Variants in DLAT observed in about 807,000 individuals in gnomAD.
DLAT encodes dihydrolipoyllysine-residue acetyltransferase component of pyruvate dehydrogenase complex, mitochondrial.
In DLAT, 43 loss-of-function variants were observed where a neutral mutation model predicts 68.0. That is an observed-to-expected ratio of 0.63 (90% CI 0.50 to 0.81). The LOEUF (loss-of-function observed/expected upper bound fraction) is 0.81. DLAT is among the 40% of genes least tolerant of loss of function. The probability of loss-of-function intolerance (pLI) is 0.00; values close to 1 mark genes in which losing one functional copy is unlikely to be tolerated. For synonymous variants in DLAT, 265 were observed against 288.6 expected (o/e 0.92, Z 0.83); for missense variants, 745 against 815.4 (o/e 0.91, Z 1.05).
chr11:112,026,105 CTTTGCATGAAA>C, intron 1 of DLAT, 82 bp from the exon 2 acceptor site: 1 of 1,038,188 alleles, frequency 9.6e-7, no homozygotes, highest in Non-Finnish European at 1.5e-6. Context: ...ACTGTATACA[CTTTGCATGAAA>C]TTGAATTGAA....
At chr11:112,032,871 A>G (rs1242507127) in intron 4 of DLAT, among the ~76,000 whole-genome samples, 1 of 152,210 alleles carries the variant, frequency 6.6e-6, no homozygotes, top group Admixed American at 6.5e-5. Context: ...TTCAGAGACC[A>G]GCCTGGCCAA....
chr11:112,040,712 T>C (rs1863010059), intron 7 of DLAT, among the ~76,000 whole-genome samples: 1 of 152,118 alleles, frequency 6.6e-6, no homozygotes, highest in Admixed American at 6.5e-5. Context: ...ATTTCAGTAG[T>C]ATATTGCTAT....
chr11:112,039,868 G>C lies in DLAT; in HGVS notation c.1129+471G>C, dbSNP rs922031640. Among the ~76,000 whole-genome samples the C allele has an allele frequency of 8.5e-5, 13 of 152,264 alleles. No individual in the cohort carries two copies. In the East Asian group the frequency reaches 2.5e-3, roughly 29 times the overall value. The stretch of plus-strand genomic sequence containing the variant: ...GGGAAAACGCCTTACTTGTCTGTCT[G>C]CCGCCAAAGAAAAAATATAGCTTTG... On this transcript the variant is annotated intron_variant, in intron 7 of 13. Transcript: ENST00000280346.
intron 13 of DLAT, 67 bp from the exon 14 acceptor site, chr11:112,062,339 G>A: frequency 6.4e-7 from 1 of 1,554,888 alleles, no homozygotes. Context: ...GTGAGCATTT[G>A]GGTGGTTACT....
chr11:112,033,374 T>C (rs1555180105), intron 4 of DLAT, 30 bp from the exon 5 acceptor site: 7 of 1,610,494 alleles, frequency 4.3e-6, no homozygotes. Context: ...CTTCCTGGTA[T>C]TAAGCAATAA....
chr11:112,059,835 T>C (rs1864440703), intron 11 of DLAT, 68 bp from the exon 12 acceptor site: 1 of 1,362,794 alleles, frequency 7.3e-7, no homozygotes, highest in Admixed American at 2.5e-5. Flanking sequence ...ATAAATATTC[T>C]TGCTTAACCT....
Position 112,062,703 on chromosome 11 carries a change from G to A in DLAT, c.*168G>A, listed in dbSNP as rs77304693. The A allele has an allele frequency of 1.7e-3, 1,286 of 738,358 alleles. 3 individuals are homozygous for A. The highest frequency in any genetic ancestry group is 2.6e-3 in the Non-Finnish European group (1,201 of 457,452). The allele number at this position is 738,358 out of a possible 1,614,324, so 45.7% of individuals were successfully genotyped here. A position where few individuals can be genotyped will look rare whatever the true frequency, so the allele number is the denominator to read the frequency against. ...GGCATTACTGAATTTTTAAAATGCC[G>A]ATTACACCCAAATATTGTGCACATT... On this transcript the variant is annotated 3_prime_UTR_variant, in exon 14 of 14. Coordinates refer to ENST00000280346, the MANE Select transcript of DLAT (RefSeq NM_001931.5).
At chr11:112,054,399 AT>A (rs1243928330) in intron 11 of DLAT, among the ~76,000 whole-genome samples, 3 of 152,134 alleles carry the variant, frequency 2.0e-5, no homozygotes, top group Non-Finnish European at 2.9e-5. Flanking sequence ...CAGTGTTAAT[AT>A]TTGAATGCCT....
chr11:112,037,270 A>T lies in DLAT; in HGVS notation c.788-3A>T. ...CCCATAATGTTTTTTCTTTCTATTTAAGGTTTTGAAGTACAGGAAGAAGGT... is the reference window on the plus strand; with the variant it reads ...CCCATAATGTTTTTTCTTTCTATTTTAGGTTTTGAAGTACAGGAAGAAGGT... On this transcript the variant is annotated splice_region_variant and splice_polypyrimidine_tract_variant and intron_variant, in intron 5 of 13. Coordinates refer to ENST00000280346, the MANE Select transcript of DLAT (RefSeq NM_001931.5). 2 of 1,613,622 alleles carry T rather than the reference A, an allele frequency of 1.2e-6. No individual in the cohort carries two copies. Among genetic ancestry groups the T allele is most frequent in the African/African-American group, 2.7e-5 (2 of 75,022 alleles).
chr11:112,046,144 A>AT (rs1359881316), intron 10 of DLAT, among the ~76,000 whole-genome samples, 174 bp downstream of exon 10: 2 of 151,990 alleles, frequency 1.3e-5, no homozygotes, highest in African/African-American at 2.4e-5. Context: ...ACTTTTATCA[A>AT]TTTTTTTCTT....
intron 10 of DLAT, among the ~76,000 whole-genome samples, chr11:112,047,839 C>A (rs181880749): frequency 4.5e-4 from 69 of 152,232 alleles, no homozygotes; most frequent in African/African-American, 1.5e-3. Context: ...TGTTTTGGTA[C>A]CAGTACCATG....
chr11:112,039,216 A>C, intron 6 of DLAT, 28 bp from the exon 7 acceptor site: 1 of 1,613,624 alleles, frequency 6.2e-7, no homozygotes, highest in Non-Finnish European at 8.5e-7. Flanking sequence ...GTGGTGAATT[A>C]AAACAATTTG....
At chr11:112,028,088 A>G (rs1862176542) in intron 2 of DLAT, among the ~76,000 whole-genome samples, 1 of 152,230 alleles carries the variant, frequency 6.6e-6, no homozygotes, top group Admixed American at 6.5e-5. Context: ...GATGTTAGAC[A>G]AGATTGGTTG....
chr11:112,051,714 T>A lies in DLAT; in HGVS notation c.1514+365T>A, dbSNP rs587635698. On this transcript the variant is annotated intron_variant, in intron 11 of 13. Coordinates refer to ENST00000280346, the MANE Select transcript of DLAT (RefSeq NM_001931.5). The surrounding 1 kb of genome is among the most constrained non-coding windows in gnomAD (Gnocchi z 4.3). ...CAGGTGTGAGCCACAGTGTCCAGCCTGCGATATTGCTGGATTTAGCTAGTA... is the reference window on the plus strand; with the variant it reads ...CAGGTGTGAGCCACAGTGTCCAGCCAGCGATATTGCTGGATTTAGCTAGTA... Among the ~76,000 whole-genome samples, 36 of 152,208 alleles carry A rather than the reference T, an allele frequency of 2.4e-4. No individual in the cohort carries two copies. The highest frequency in any genetic ancestry group is 2.1e-3 in the Admixed American group (32 of 15,270).
rs1393320355 is a variant in DLAT, at chr11:112,063,292, AAC to A, written c.*759_*760del. 6.6e-6 allele frequency: 1 copy of A among 152,222 alleles called. No homozygotes were observed. Among genetic ancestry groups the A allele is most frequent in the Non-Finnish European group, 1.5e-5 (1 of 68,022 alleles). 9.4% of individuals were successfully genotyped at this position (152,222 alleles called of 1,614,324 possible). A position where few individuals can be genotyped will look rare whatever the true frequency, so the allele number is the denominator to read the frequency against. ...ATTCAACAGTTACCTCCAAAAAAGA[AAC>A]ATTGTTAATATAATTTAACAGAAGT... is the stretch of plus-strand genomic sequence containing the variant. On this transcript the variant is annotated 3_prime_UTR_variant, in exon 14 of 14. Transcript: ENST00000280346.
intron 10 of DLAT, among the ~76,000 whole-genome samples, chr11:112,048,791 C>CCCAAAGTGCTGGAATTACAGCCATGAG (rs1467562191): frequency 5.3e-5 from 8 of 152,084 alleles, no homozygotes; most frequent in Non-Finnish European, 1.2e-4. Flanking sequence ...ACCTTGGCCT[C>CCCAAAGTGCTGGAATTACAGCCATGAG]CCAAAGTGCT....
At position 112,033,404 on chromosome 11, in the gene DLAT, G is replaced by T; in HGVS notation, c.661G>T (p.Val221Leu). The T allele has an allele frequency of 6.2e-7, 1 of 1,613,452 alleles. No individual in the cohort carries two copies. Among genetic ancestry groups the T allele is most frequent in the Non-Finnish European group, 8.5e-7 (1 of 1,179,656 alleles). The change falls in exon 5 of 14, where the codon GTA (valine) becomes TTA (leucine). Residue 221 changes from valine to leucine, a missense_variant and splice_region_variant. Physicochemically the swap from Val to Leu is conservative, Grantham distance 32 (BLOSUM62 1). Coordinates refer to ENST00000280346, the MANE Select transcript of DLAT (RefSeq NM_001931.5). ...PGSSYPPHMQ[V>L]LLPALSPTMT... ...CAATAATATGTGTTTGTTTCTGCAG[G>T]TACTTCTTCCTGCCCTCTCTCCCAC...
rs587670594 is a variant in DLAT at position 112,060,451 on chromosome 11, C to T, written c.1677+386C>T. ...CTGGGATTACAGGCATGAGCCACCA[C>T]GCCCAGCGTAATTCTTTTTTGAAAC... On this transcript the variant is annotated intron_variant, in intron 12 of 13. Transcript: ENST00000280346. 2.8e-4 allele frequency among the ~76,000 whole-genome samples: 43 copies of T among 151,668 alleles called. 1 individual carries two copies. The South Asian group carries it at 6.7e-3, about 24-fold the overall frequency.
At chr11:112,042,573 C>T (rs1360303500) in intron 7 of DLAT, among the ~76,000 whole-genome samples, 2 of 152,132 alleles carry the variant, frequency 1.3e-5, no homozygotes, top group Non-Finnish European at 2.9e-5. Flanking sequence ...TCAGTTTGAC[C>T]AAATTTTTCC....
Sources: gnomAD v4.1 joint callset for allele counts (sites outside exome capture counted in the v4.1 genomes callset) on GRCh38, gnomAD v4.1.1 for gene constraint, Gnocchi (gnomAD v3.1) non-coding constraint, MANE v1.5 for transcripts, NCBI Gene and HGNC (gene_info 2026-07-23, HGNC 2026-07-21) for gene names.